Variants in DDX31 observed in about 807,000 individuals in gnomAD.
DDX31 encodes the protein ATP-dependent DNA helicase DDX31.
A neutral mutation model predicts 91.3 loss-of-function variants in DDX31; 70 were observed. The observed-to-expected ratio is 0.77, with a 90% CI of 0.63 to 0.94. The LOEUF (loss-of-function observed/expected upper bound fraction) is 0.94. Ranked by LOEUF, DDX31 falls within the 40% of genes least tolerant of loss-of-function variation. The pLI is 0.00. For missense variants in DDX31, 902 were observed against 925.0 expected (o/e 0.98, Z 0.32); for synonymous variants, 362 against 350.6 (o/e 1.03, Z -0.36).
chr9:132,610,816 T>A (rs1450687416), intron 19 of DDX31, among the ~76,000 whole-genome samples: 3 of 152,154 alleles, frequency 2.0e-5, no homozygotes, highest in East Asian at 1.9e-4. Flanking sequence ...CTCCCCCTAG[T>A]GTAGTTGAGA....
At chr9:132,627,727 C>T (rs996998708) in intron 16 of DDX31, among the ~76,000 whole-genome samples, 3 of 152,216 alleles carry the variant, frequency 2.0e-5, no homozygotes, top group African/African-American at 7.2e-5. Flanking sequence ...GTCTCTTGCC[C>T]TGTCTGCTCC....
At chr9:132,658,423 C>G in intron 6 of DDX31, 1 of 699,074 alleles carries the variant, frequency 1.4e-6, no homozygotes, top group Non-Finnish European at 2.6e-6. Flanking sequence ...AAGTATCATG[C>G]CTGACACACG....
At chr9:132,638,495 TACTTA>T (rs1168913981) in intron 14 of DDX31, 2 of 1,288,204 alleles carry the variant, frequency 1.6e-6, no homozygotes, top group East Asian at 2.4e-5. Flanking sequence ...CCCTACTTCC[TACTTA>T]ACTTGGCTTT....
intron 19 of DDX31, among the ~76,000 whole-genome samples, chr9:132,608,571 C>A (rs1438752881): frequency 6.6e-6 from 1 of 152,132 alleles, no homozygotes; most frequent in South Asian, 2.1e-4. Flanking sequence ...ACAGGTGAGA[C>A]AGGCTTCTGT....
At chr9:132,630,912 C>A (rs1832678255) in intron 15 of DDX31, among the ~76,000 whole-genome samples, 2 of 152,196 alleles carry the variant, frequency 1.3e-5, no homozygotes, top group South Asian at 4.1e-4. Context: ...CAGGAGCAGG[C>A]CCCAGGAGCT....
chr9:132,599,870 G>C (rs1830636809), intron 19 of DDX31, among the ~76,000 whole-genome samples: 1 of 152,270 alleles, frequency 6.6e-6, no homozygotes. Context: ...CACATGGGAA[G>C]AAAAGCCTGG....
intron 13 of DDX31, among the ~76,000 whole-genome samples, chr9:132,643,906 T>C (rs891691489): frequency 2.0e-5 from 3 of 151,960 alleles, no homozygotes; most frequent in Non-Finnish European, 2.9e-5. Context: ...TTATGATGTA[T>C]TCAGATTTGG....
intron 14 of DDX31, among the ~76,000 whole-genome samples, chr9:132,635,085 T>G (rs369453342): frequency 5.9e-5 from 9 of 152,292 alleles, no homozygotes; most frequent in Non-Finnish European, 1.2e-4. Flanking sequence ...CATGGTAAGG[T>G]TGCGGTTAGG....
rs373306473 is a variant in DDX31, at chr9:132,603,758, C to A, written c.1994+8329G>T. ...GTCTCCAGCATCGTCCCGGGAGAGG[C>A]TGGCTGGGTTCCTGTTCTTTGTTGT... On this transcript the variant is annotated intron_variant, in intron 19 of 19. Transcript: ENST00000372159. 2.0e-4 allele frequency among the ~76,000 whole-genome samples: 31 copies of A among 152,312 alleles called. No individual in the cohort carries two copies. The South Asian group carries it at 5.6e-3, about 28-fold the overall frequency.
At chr9:132,605,977 C>T (rs1002374482) in intron 19 of DDX31, among the ~76,000 whole-genome samples, 10 of 151,892 alleles carry the variant, frequency 6.6e-5, no homozygotes, top group African/African-American at 2.4e-4. Flanking sequence ...TCGGATGGAG[C>T]GCCGGGGCTG....
chr9:132,635,255 C>T (rs1016905694), intron 14 of DDX31, among the ~76,000 whole-genome samples: 31 of 152,000 alleles, frequency 2.0e-4, no homozygotes, highest in Non-Finnish European at 4.4e-4. Flanking sequence ...TGAGACCATG[C>T]GAATAGCATG....
chr9:132,613,416 G>A (rs186979166), intron 18 of DDX31, among the ~76,000 whole-genome samples: 5 of 152,282 alleles, frequency 3.3e-5, no homozygotes, highest in African/African-American at 1.2e-4. Context: ...AAGAGCGGCC[G>A]GGCGCGGTGG....
rs1350266343 is a variant in DDX31 at position 132,661,227 on chromosome 9, T to G, written c.433A>C (p.Lys145Gln). ...TCTTACCTGGTCATACTAGACATTT[T>G]TAAGACCGTATTTATTGTGGAAATC... is the stretch of plus-strand genomic sequence containing the variant. ...HLISTINTVL[K>Q]MSSMTSVQKQ... Residue 145 changes from lysine to glutamine, a missense_variant, in exon 4 of 20, where the codon AAA (lysine) becomes CAA (glutamine). By Grantham distance (53) the Lys-to-Gln change is moderately conservative. Coordinates refer to ENST00000372159, the MANE Select transcript of DDX31 (RefSeq NM_022779.9). 6.2e-7 allele frequency: 1 copy of G among 1,609,802 alleles called. No homozygotes were observed. Among genetic ancestry groups the G allele is most frequent in the East Asian group, 2.2e-5 (1 of 44,884 alleles).
chr9:132,625,520 A>C, intron 17 of DDX31, 144 bp downstream of exon 17: 1 of 669,108 alleles, frequency 1.5e-6, no homozygotes, highest in East Asian at 2.9e-5. Context: ...AAAACAATCA[A>C]GATTTGGCCT....
chr9:132,655,604 CTA>C (rs946319698), intron 6 of DDX31, among the ~76,000 whole-genome samples: 1 of 151,978 alleles, frequency 6.6e-6, no homozygotes, highest in African/African-American at 2.4e-5. Flanking sequence ...TTACTTTTCG[CTA>C]TATATATTTT....
At chr9:132,634,879 T>TAC (rs1833011542) in intron 14 of DDX31, among the ~76,000 whole-genome samples, 1 of 152,156 alleles carries the variant, frequency 6.6e-6, no homozygotes, top group Non-Finnish European at 1.5e-5. Flanking sequence ...AGATGCCTCT[T>TAC]ACAGTTGTTT....
chr9:132,621,906 A>C (rs1416710246), intron 17 of DDX31, among the ~76,000 whole-genome samples: 1 of 152,068 alleles, frequency 6.6e-6, no homozygotes, highest in Non-Finnish European at 1.5e-5. Context: ...GTCTTCACCA[A>C]CATGACACCT....
rs1217758085 is a variant in DDX31 at position 132,627,916 on chromosome 9, T to C, written c.1632-2171A>G. Among the ~76,000 whole-genome samples, 5 of 152,220 alleles carry C rather than the reference T, an allele frequency of 3.3e-5. 1 individual carries two copies. The East Asian group carries it at 7.7e-4, about 23-fold the overall frequency. On this transcript the variant is annotated intron_variant, in intron 16 of 19. Transcript: ENST00000372159. ...TGTTCTCAGGCACGAAACATGCACA[T>C]GCTTCCTCCTCAAAAAATATTTAGG...
At chr9:132,608,283 G>GT (rs1232644116) in intron 19 of DDX31, among the ~76,000 whole-genome samples, 1 of 152,150 alleles carries the variant, frequency 6.6e-6, no homozygotes, top group Non-Finnish European at 1.5e-5. Context: ...AAGAGTTTTT[G>GT]TGACTATGAC....
Sources: gnomAD v4.1 joint callset for allele counts (sites outside exome capture counted in the v4.1 genomes callset) on GRCh38, gnomAD v4.1.1 for gene constraint, MANE v1.5 for transcripts, NCBI Gene and HGNC (gene_info 2026-07-23, HGNC 2026-07-21) for gene names.